Variants in BLTP3A observed in about 807,000 individuals in gnomAD.
BLTP3A encodes ICBP90 binding protein 1.
chr6:34,809,519 A>G, the BLTP3A span, among the ~76,000 whole-genome samples: 1 of 152,176 alleles, frequency 6.6e-6, no homozygotes, highest in East Asian at 1.9e-4. Context: ...TTGAAAATCC[A>G]TGTATAACTT....
the BLTP3A span, chr6:34,873,924 T>C: frequency 1.3e-5 from 2 of 152,144 alleles, no homozygotes; most frequent in African/African-American, 4.8e-5. Flanking sequence ...TTCATTTGAC[T>C]AGAAAAAAAA....
At chr6:34,857,695 A>G in the BLTP3A span, 28 of 1,599,408 alleles carry the variant, frequency 1.8e-5, no homozygotes, top group African/African-American at 3.4e-4. Flanking sequence ...TTTTTACAGG[A>G]TGTTTCTTTT....
chr6:34,843,539 C>G, the BLTP3A span, among the ~76,000 whole-genome samples: 2 of 152,040 alleles, frequency 1.3e-5, no homozygotes, highest in Non-Finnish European at 2.9e-5. Context: ...ACATAATAAT[C>G]ACATCAGGGT....
At chr6:34,828,362 A>G in the BLTP3A span, among the ~76,000 whole-genome samples, 3 of 151,684 alleles carry the variant, frequency 2.0e-5, no homozygotes, top group Non-Finnish European at 4.4e-5. Flanking sequence ...GAGGCAGGAG[A>G]ATTGCTTGAA....
the BLTP3A span, among the ~76,000 whole-genome samples, chr6:34,806,265 C>T: frequency 4.6e-5 from 7 of 152,226 alleles, no homozygotes; most frequent in Non-Finnish European, 1.0e-4. Context: ...TTAAGGATCT[C>T]ATAGTCCTTA....
the BLTP3A span, chr6:34,834,876 T>C: frequency 4.4e-6 from 7 of 1,605,208 alleles, no homozygotes; most frequent in Non-Finnish European, 5.9e-6. Context: ...GTGTGTTCTC[T>C]GGCCTCATGA....
the BLTP3A span, among the ~76,000 whole-genome samples, chr6:34,839,587 C>G: frequency 6.6e-6 from 1 of 152,188 alleles, no homozygotes; most frequent in Non-Finnish European, 1.5e-5. Flanking sequence ...CCAGCCCATG[C>G]TGAGGTCGAG....
At chr6:34,792,172 AG>A in the BLTP3A span, 1 of 1,338,324 alleles carries the variant, frequency 7.5e-7, no homozygotes, top group Non-Finnish European at 9.8e-7. Context: ...CGGCGAGGTG[AG>A]GGGACCGCCT....
the BLTP3A span, among the ~76,000 whole-genome samples, chr6:34,846,702 C>T: frequency 6.6e-6 from 1 of 152,132 alleles, no homozygotes; most frequent in Non-Finnish European, 1.5e-5. Flanking sequence ...GAGATCATAT[C>T]ATCTGCAAAC....
chr6:34,804,053 G>C, the BLTP3A span, among the ~76,000 whole-genome samples: 2 of 152,154 alleles, frequency 1.3e-5, no homozygotes, highest in African/African-American at 4.8e-5. Context: ...AGTAGTATGT[G>C]TATCCTTTTG....
the BLTP3A span, among the ~76,000 whole-genome samples, chr6:34,844,215 C>G: frequency 6.6e-6 from 1 of 151,962 alleles, no homozygotes; most frequent in Non-Finnish European, 1.5e-5. Flanking sequence ...GTCTCCTGAC[C>G]TTGTGATCCA....
the BLTP3A span, among the ~76,000 whole-genome samples, chr6:34,852,808 T>C: frequency 6.6e-6 from 1 of 152,194 alleles, no homozygotes; most frequent in Non-Finnish European, 1.5e-5. Context: ...TAGCATGCAG[T>C]GATGGGGCTA....
chr6:34,827,452 G>A, the BLTP3A span, among the ~76,000 whole-genome samples: 1 of 152,144 alleles, frequency 6.6e-6, no homozygotes, highest in African/African-American at 2.4e-5. Context: ...CATACACTGA[G>A]TCATGGCTCC....
chr6:34,793,149 C>T, the BLTP3A span, among the ~76,000 whole-genome samples: 2 of 152,226 alleles, frequency 1.3e-5, no homozygotes, highest in Admixed American at 1.3e-4. Flanking sequence ...AGTAATTTGG[C>T]ATGAGGAGGC....
At chr6:34,832,505 G>A in the BLTP3A span, among the ~76,000 whole-genome samples, 1 of 150,502 alleles carries the variant, frequency 6.6e-6, no homozygotes, top group Non-Finnish European at 1.5e-5. Flanking sequence ...GCGCAATCTT[G>A]GCTCACTGCA....
At chr6:34,835,075 A>G in the BLTP3A span, among the ~76,000 whole-genome samples, 1 of 152,068 alleles carries the variant, frequency 6.6e-6, no homozygotes, top group Non-Finnish European at 1.5e-5. Context: ...TTTTACTCGT[A>G]TGTAGGGACA....
At chr6:34,867,953 A>G in the BLTP3A span, among the ~76,000 whole-genome samples, 1 of 152,258 alleles carries the variant, frequency 6.6e-6, no homozygotes, top group Non-Finnish European at 1.5e-5. Flanking sequence ...CAGTCCTTTG[A>G]TGTGAATTTT....
the BLTP3A span, among the ~76,000 whole-genome samples, chr6:34,794,624 G>A: frequency 6.6e-6 from 1 of 152,168 alleles, no homozygotes; most frequent in South Asian, 2.1e-4. Flanking sequence ...CCCTGATCTA[G>A]TTTCGTACCT....
chr6:34,820,438 A>T, the BLTP3A span, among the ~76,000 whole-genome samples: 1 of 152,050 alleles, frequency 6.6e-6, no homozygotes, highest in African/African-American at 2.4e-5. Flanking sequence ...TTGTCAAATC[A>T]GTCCCCATTG....
Sources: gnomAD v4.1 joint callset for allele counts (sites outside exome capture counted in the v4.1 genomes callset) on GRCh38, gnomAD v4.1.1 for gene constraint, MANE v1.5 for transcripts, NCBI Gene and HGNC (gene_info 2026-07-23, HGNC 2026-07-21) for gene names.